Variants in CADPS2 observed in about 807,000 individuals in gnomAD.
The protein encoded by CADPS2 is calcium dependent secretion activator 2.
In CADPS2, 93 loss-of-function variants were observed where a neutral mutation model predicts 172.5. The ratio of observed to expected loss-of-function variants is 0.54; its 90% CI spans 0.46 to 0.64. The LOEUF (loss-of-function observed/expected upper bound fraction) is 0.64, where lower values mean the gene tolerates loss of function less well. Among genes scored for constraint, CADPS2 ranks in the 30% least tolerant of loss-of-function variants. The pLI, the probability that CADPS2 is intolerant of heterozygous loss-of-function variation, is 0.00. For missense variants in CADPS2, 1,420 were observed against 1,565.9 expected (o/e 0.91, Z 1.57); for synonymous variants, 546 against 555.2 (o/e 0.98, Z 0.23).
intron 7 of CADPS2, among the ~76,000 whole-genome samples, chr7:122,558,435 G>A (rs770758382): frequency 2.6e-5 from 4 of 151,956 alleles, no homozygotes; most frequent in Non-Finnish European, 5.9e-5. Flanking sequence ...TAACCTTTCC[G>A]TATGCATTTC....
intron 1 of CADPS2, among the ~76,000 whole-genome samples, chr7:122,767,430 C>T (rs547296114): frequency 2.0e-5 from 3 of 152,186 alleles, no homozygotes; most frequent in African/African-American, 7.2e-5. Flanking sequence ...GTATGCTACC[C>T]TAACCCCTTA....
At chr7:122,861,198 G>A (rs1156434998) in intron 1 of CADPS2, among the ~76,000 whole-genome samples, 1 of 152,054 alleles carries the variant, frequency 6.6e-6, no homozygotes, top group Non-Finnish European at 1.5e-5. Context: ...CATAATGGCT[G>A]TGCCAATTTA....
At chr7:122,387,441 C>T (rs115309478) in intron 23 of CADPS2, among the ~76,000 whole-genome samples, 324 of 152,064 alleles carry the variant, frequency 2.1e-3, no homozygotes, top group African/African-American at 6.9e-3. Flanking sequence ...TTTGTTATAT[C>T]TAGAGTACCA....
At chr7:122,564,847 GCACACACACACACACACACA>G (rs113078322) in intron 7 of CADPS2, among the ~76,000 whole-genome samples, 4 of 145,520 alleles carry the variant, frequency 2.7e-5, no homozygotes, top group South Asian at 4.4e-4. Context: ...ACACACACAT[GCACACACACACACACACACA>G]CACACACACA....
intron 6 of CADPS2, among the ~76,000 whole-genome samples, chr7:122,611,491 A>G (rs754614153): frequency 1.2e-4 from 18 of 152,078 alleles, no homozygotes; most frequent in Non-Finnish European, 2.2e-4. Flanking sequence ...ATGGCAAAAA[A>G]CACAATTACT....
intron 8 of CADPS2, among the ~76,000 whole-genome samples, chr7:122,523,024 T>A (rs1174014010): frequency 2.0e-5 from 3 of 152,196 alleles, no homozygotes; most frequent in Non-Finnish European, 4.4e-5. Context: ...AATGCTACGA[T>A]AAACATGGAG....
intron 17 of CADPS2, among the ~76,000 whole-genome samples, chr7:122,428,520 T>C (rs2049463260): frequency 6.7e-6 from 1 of 149,780 alleles, no homozygotes; most frequent in South Asian, 2.1e-4. Context: ...CAGGCTGGAG[T>C]ACAGTGGCGC....
chr7:122,632,617 T>C (rs944779646), intron 3 of CADPS2, among the ~76,000 whole-genome samples: 1 of 152,200 alleles, frequency 6.6e-6, no homozygotes, highest in African/African-American at 2.4e-5. Flanking sequence ...ATGCATAGTT[T>C]GCAAATATTT....
chr7:122,805,921 T>A (rs773263569), intron 1 of CADPS2, among the ~76,000 whole-genome samples: 1 of 152,252 alleles, frequency 6.6e-6, no homozygotes, highest in Non-Finnish European at 1.5e-5. Context: ...TCTTCATGGA[T>A]GTTTTAAATA....
At chr7:122,384,572 T>C (rs1441775376) in intron 24 of CADPS2, among the ~76,000 whole-genome samples, 1 of 152,084 alleles carries the variant, frequency 6.6e-6, no homozygotes, top group Non-Finnish European at 1.5e-5. Context: ...TGTGGGTATG[T>C]TTACTGGAGA....
At chr7:122,728,042 CA>C (rs976147751) in intron 2 of CADPS2, among the ~76,000 whole-genome samples, 1 of 151,524 alleles carries the variant, frequency 6.6e-6, no homozygotes, top group South Asian at 2.1e-4. Context: ...CAACTCACTA[CA>C]AAAAAAATAG....
intron 17 of CADPS2, among the ~76,000 whole-genome samples, chr7:122,420,772 T>C (rs939184519): frequency 1.3e-5 from 2 of 152,238 alleles, no homozygotes; most frequent in Admixed American, 6.5e-5. Flanking sequence ...AGTTGCTTGA[T>C]GAATTTCAAT....
intron 15 of CADPS2, among the ~76,000 whole-genome samples, chr7:122,445,003 G>T (rs190345328): frequency 3.3e-5 from 5 of 151,958 alleles, no homozygotes; most frequent in African/African-American, 1.2e-4. Flanking sequence ...AGCATCTGTC[G>T]GAAAAAAGTA....
intron 27 of CADPS2, among the ~76,000 whole-genome samples, chr7:122,350,523 T>G (rs1563123679): frequency 1.3e-5 from 2 of 152,202 alleles, no homozygotes; most frequent in Non-Finnish European, 2.9e-5. Flanking sequence ...TTTTCATATA[T>G]TCATGATTAT....
intron 7 of CADPS2, among the ~76,000 whole-genome samples, chr7:122,569,232 C>T (rs1002300511): frequency 6.6e-6 from 1 of 151,962 alleles, no homozygotes; most frequent in African/African-American, 2.4e-5. Context: ...TCTTATACAC[C>T]AATAACAGAC....
intron 1 of CADPS2, among the ~76,000 whole-genome samples, chr7:122,867,744 C>G (rs1045274561): frequency 2.0e-5 from 3 of 152,182 alleles, no homozygotes; most frequent in African/African-American, 7.2e-5. Context: ...AAACATGGCA[C>G]TCCCTTTGCC....
chr7:122,743,894 G>C (rs936435355), intron 1 of CADPS2, among the ~76,000 whole-genome samples: 8 of 152,034 alleles, frequency 5.3e-5, no homozygotes, highest in Non-Finnish European at 1.2e-4. Flanking sequence ...GAAAAATAGG[G>C]GGTTCCAGCT....
chr7:122,436,268 T>C, intron 17 of CADPS2: 2 of 656,474 alleles, frequency 3.0e-6, no homozygotes, highest in Non-Finnish European at 4.5e-6. Flanking sequence ...TATGTACAGC[T>C]TGCCTGTCAA....
rs552502318 is a variant in CADPS2 at position 122,659,416 on chromosome 7, T to C, written c.786+3821A>G. Among the ~76,000 whole-genome samples the C allele has an allele frequency of 2.0e-5, 3 of 150,694 alleles. No individual in the cohort carries two copies. The Middle Eastern group carries it at 0.01, about 520-fold the overall frequency. ...AAGAATCAGTGAGCTTGAAGACATGTCAATAAAAACTTCCCAAACTGAAAT... is the reference window on the plus strand; with the variant it reads ...AAGAATCAGTGAGCTTGAAGACATGCCAATAAAAACTTCCCAAACTGAAAT... On this transcript the variant is annotated intron_variant, in intron 3 of 29. Transcript: ENST00000449022.
Sources: allele counts gnomAD v4.1 joint callset (sites outside exome capture counted in the v4.1 genomes callset), GRCh38; gene constraint gnomAD v4.1.1; transcripts MANE v1.5; gene names NCBI Gene and HGNC (gene_info 2026-07-23, HGNC 2026-07-21).